The following KCND2 variants were observed in gnomAD, a reference collection of about 807,000 sequenced individuals.
KCND2 encodes the protein A-type voltage-gated potassium channel KCND2.
A neutral mutation model predicts 54.4 loss-of-function variants in KCND2; 16 were observed. That is an observed-to-expected ratio of 0.29 (90% confidence interval 0.20 to 0.45). The LOEUF is 0.45. KCND2 is among the 20% of genes least tolerant of loss of function. The pLI, the probability that KCND2 is intolerant of heterozygous loss-of-function variation, is 1.00. For missense variants in KCND2, 486 were observed against 824.2 expected (o/e 0.59, Z 5.02); for synonymous variants, 317 against 310.7 (o/e 1.02, Z -0.21).
At chr7:120,387,078 T>A (rs1800999572) in intron 1 of KCND2, among the ~76,000 whole-genome samples, 1 of 152,098 alleles carries the variant, frequency 6.6e-6, no homozygotes, top group Admixed American at 6.6e-5. Context: ...TTTATCTGTC[T>A]TCCCCCACTA....
intron 1 of KCND2, among the ~76,000 whole-genome samples, chr7:120,625,220 A>G (rs1584859101): frequency 6.6e-6 from 1 of 152,202 alleles, no homozygotes; most frequent in East Asian, 1.9e-4. Context: ...GAAGTAGAGT[A>G]ACTAATTGGC....
intron 1 of KCND2, among the ~76,000 whole-genome samples, chr7:120,456,953 G>A (rs543966497): frequency 2.0e-5 from 3 of 152,328 alleles, no homozygotes; most frequent in African/African-American, 7.2e-5. Flanking sequence ...AAATCTAGAT[G>A]GAGGTTCCAC....
chr7:120,439,057 T>A (rs73433898), intron 1 of KCND2, among the ~76,000 whole-genome samples: 3,225 of 152,216 alleles, frequency 0.021, 99 homozygotes, highest in African/African-American at 0.07. Context: ...TTGCTCTTTA[T>A]ATGAAATATT....
In KCND2 at chr7:120,274,360, C is replaced by A. The variant is rs1427647772; in HGVS notation, c.-273C>A. ...TTGTGCCAGAGGGTGGCCTAGCCCA[C>A]CTGCAGGAAGAGATTTGGCTGGGTT... is the stretch of plus-strand genomic sequence containing the variant. On this transcript the variant is annotated 5_prime_UTR_variant, in exon 1 of 6. Transcript: ENST00000331113. 2 of 562,784 alleles carry A rather than the reference C, an allele frequency of 3.6e-6. No individual in the cohort carries two copies. Among genetic ancestry groups the A allele is most frequent in the East Asian group, 6.1e-5 (2 of 32,974 alleles). The allele number at this position is 562,784 out of a possible 1,614,324, so 34.9% of individuals were successfully genotyped here.
At chr7:120,689,028 C>T (rs1792237717) in intron 1 of KCND2, among the ~76,000 whole-genome samples, 1 of 152,114 alleles carries the variant, frequency 6.6e-6, no homozygotes, top group African/African-American at 2.4e-5. Flanking sequence ...ATTGGTGCCC[C>T]CTCTGCATCA....
At chr7:120,454,194 G>C (rs1028255550) in intron 1 of KCND2, among the ~76,000 whole-genome samples, 4 of 151,578 alleles carry the variant, frequency 2.6e-5, no homozygotes, top group Admixed American at 6.6e-5. Context: ...CAGAAGACAG[G>C]AAGTAACAAA....
chr7:120,415,791 T>C lies in KCND2; in HGVS notation c.1115+140044T>C, dbSNP rs116384418. On this transcript the variant is annotated intron_variant, in intron 1 of 5. Transcript: ENST00000331113. ...AGGAATATATTCTTTATCTTCTAGA[T>C]ATTGTCACAGATGTTCAGAAGCACA... Among the ~76,000 whole-genome samples, 1,259 of 152,358 alleles carry C rather than the reference T, an allele frequency of 8.3e-3. 13 individuals are homozygous for C. Among genetic ancestry groups the C allele is most frequent in the African/African-American group, 0.029 (1,192 of 41,592 alleles).
In KCND2 at chr7:120,351,408, ACACACT is replaced by A. The variant is rs1312772187; in HGVS notation, c.1115+75663_1115+75668del. Among the ~76,000 whole-genome samples the A allele has an allele frequency of 7.0e-3, 634 of 90,152 alleles. 1 individual carries two copies. The highest frequency in any genetic ancestry group is 0.022 in the African/African-American group (569 of 26,014). 59.1% of individuals were successfully genotyped at this position (90,152 alleles called of 152,430 possible). On this transcript the variant is annotated intron_variant, in intron 1 of 5. Transcript: ENST00000331113. ...CACACACACACACACACACACACAC[ACACACT>A]CTCTCTCTCTCTCTCTCTCTCACAT...
At chr7:120,631,371 A>G (rs776629853) in intron 1 of KCND2, among the ~76,000 whole-genome samples, 1 of 152,152 alleles carries the variant, frequency 6.6e-6, no homozygotes, top group Non-Finnish European at 1.5e-5. Flanking sequence ...GCTAGTATCT[A>G]ATGTTATTAA....
chr7:120,330,635 A>T (rs1388717096), intron 1 of KCND2, among the ~76,000 whole-genome samples: 2 of 151,114 alleles, frequency 1.3e-5, no homozygotes, highest in Non-Finnish European at 1.5e-5. Context: ...TTCTCAATAT[A>T]GTCCTTTTCA....
At chr7:120,468,935 A>T (rs1802416555) in intron 1 of KCND2, among the ~76,000 whole-genome samples, 1 of 152,064 alleles carries the variant, frequency 6.6e-6, no homozygotes, top group Non-Finnish European at 1.5e-5. Context: ...TTGTTTCCAT[A>T]TTAGAACTTA....
intron 1 of KCND2, among the ~76,000 whole-genome samples, chr7:120,315,999 A>C (rs1408255459): frequency 1.3e-5 from 2 of 152,172 alleles, no homozygotes; most frequent in Admixed American, 1.3e-4. Context: ...GAAAGTATAC[A>C]AAAACAAATT....
chr7:120,446,449 G>T (rs1802020128), intron 1 of KCND2, among the ~76,000 whole-genome samples: 2 of 152,058 alleles, frequency 1.3e-5, no homozygotes, highest in Admixed American at 6.6e-5. Flanking sequence ...CTCTCCATTT[G>T]AATCTACTTG....
chr7:120,308,938 C>G (rs1799687843), intron 1 of KCND2, among the ~76,000 whole-genome samples: 1 of 151,966 alleles, frequency 6.6e-6, no homozygotes, highest in Non-Finnish European at 1.5e-5. Context: ...TACAAACCTA[C>G]AAGGAAAAAG....
chr7:120,474,160 C>A (rs1362699093), intron 1 of KCND2, among the ~76,000 whole-genome samples: 1 of 152,156 alleles, frequency 6.6e-6, no homozygotes, highest in Non-Finnish European at 1.5e-5. Context: ...TGCCCCCATT[C>A]TCTTTGGTGA....
At chr7:120,444,184 A>G (rs547502265) in intron 1 of KCND2, among the ~76,000 whole-genome samples, 2 of 152,174 alleles carry the variant, frequency 1.3e-5, no homozygotes, top group South Asian at 2.1e-4. Context: ...GGTGCTTTCT[A>G]TTGCATAATT....
At chr7:120,299,694 G>A (rs1344185348) in intron 1 of KCND2, among the ~76,000 whole-genome samples, 1 of 151,982 alleles carries the variant, frequency 6.6e-6, no homozygotes, top group Non-Finnish European at 1.5e-5. Flanking sequence ...GTGGCTAATC[G>A]AGCTCCACAT....
At chr7:120,349,171 C>T (rs116975194) in intron 1 of KCND2, among the ~76,000 whole-genome samples, 2 of 152,220 alleles carry the variant, frequency 1.3e-5, no homozygotes, top group South Asian at 4.2e-4. Flanking sequence ...AACTTTTGCT[C>T]TTCTACATCC....
At chr7:120,595,296 C>A (rs1225966634) in intron 1 of KCND2, among the ~76,000 whole-genome samples, 2 of 150,926 alleles carry the variant, frequency 1.3e-5, no homozygotes, top group African/African-American at 2.4e-5. Context: ...TACCAATGTA[C>A]AAAAATTAGC....
Sources: allele counts gnomAD v4.1 joint callset (sites outside exome capture counted in the v4.1 genomes callset), GRCh38; gene constraint gnomAD v4.1.1; transcripts MANE v1.5; gene names NCBI Gene and HGNC (gene_info 2026-07-23, HGNC 2026-07-21).